Variants in PPARG observed in about 807,000 individuals in gnomAD.
PPARG encodes peroxisome proliferator activated receptor gamma.
PPARG carries 17 observed loss-of-function variants against 39.2 expected under a neutral mutation model. The ratio of observed to expected loss-of-function variants is 0.43; its 90% CI spans 0.30 to 0.65. The LOEUF (loss-of-function observed/expected upper bound fraction) is 0.65. Ranked by LOEUF, PPARG falls within the 30% of genes least tolerant of loss-of-function variation. The pLI is 0.13. For missense variants in PPARG, 406 were observed against 585.9 expected (o/e 0.69, Z 3.17); for synonymous variants, 223 against 215.7 (o/e 1.03, Z -0.30).
At chr3:12,355,783 C>T (rs1454861083) in intron 2 of PPARG, among the ~76,000 whole-genome samples, 2 of 152,210 alleles carry the variant, frequency 1.3e-5, no homozygotes, top group South Asian at 2.1e-4. Flanking sequence ...AGGAATACAA[C>T]TTGTCTTGAA....
intron 2 of PPARG, among the ~76,000 whole-genome samples, chr3:12,364,442 A>T (rs1205539238): frequency 6.6e-6 from 1 of 152,150 alleles, no homozygotes; most frequent in African/African-American, 2.4e-5. Context: ...GCCATAGTTT[A>T]TCCACTCAGC....
intron 1 of PPARG, among the ~76,000 whole-genome samples, chr3:12,302,119 G>T (rs930156112): frequency 6.6e-6 from 1 of 152,228 alleles, no homozygotes; most frequent in Non-Finnish European, 1.5e-5. Context: ...ATTCAGAGAA[G>T]GCTAAGATCA....
intron 6 of PPARG, among the ~76,000 whole-genome samples, chr3:12,416,330 G>A (rs944933344): frequency 5.3e-5 from 8 of 152,194 alleles, no homozygotes; most frequent in Admixed American, 3.3e-4. Flanking sequence ...AGTGAGCCCT[G>A]ATTGTGCCAC....
intron 5 of PPARG, among the ~76,000 whole-genome samples, chr3:12,403,318 T>G (rs965892451): frequency 1.3e-5 from 2 of 151,064 alleles, no homozygotes; most frequent in African/African-American, 2.4e-5. Flanking sequence ...GTTGTTATAC[T>G]GTATTTTTTT....
chr3:12,401,183 C>T (rs995519287), intron 5 of PPARG, among the ~76,000 whole-genome samples: 1 of 152,220 alleles, frequency 6.6e-6, no homozygotes, highest in African/African-American at 2.4e-5. Flanking sequence ...CAACCTCCTT[C>T]GCTTTCCTCC....
chr3:12,426,754 C>T (rs141859838), intron 7 of PPARG, among the ~76,000 whole-genome samples: 33 of 152,268 alleles, frequency 2.2e-4, no homozygotes, highest in Admixed American at 1.4e-3. Context: ...AAGCACTTTC[C>T]GTATGTCCCT....
chr3:12,346,535 A>AGCCT (rs2048331832), intron 2 of PPARG, among the ~76,000 whole-genome samples: 1 of 152,132 alleles, frequency 6.6e-6, no homozygotes, highest in African/African-American at 2.4e-5. Context: ...AAAAACGTAA[A>AGCCT]ACCTAGGCTT....
intron 2 of PPARG, among the ~76,000 whole-genome samples, chr3:12,364,797 A>G (rs930807382): frequency 6.6e-6 from 1 of 152,204 alleles, no homozygotes; most frequent in Admixed American, 6.5e-5. Context: ...ATGATGTTGA[A>G]GATCTTTTCA....
intron 5 of PPARG, among the ~76,000 whole-genome samples, chr3:12,404,693 T>C (rs1235547970): frequency 1.3e-5 from 2 of 152,148 alleles, no homozygotes; most frequent in Non-Finnish European, 2.9e-5. Flanking sequence ...TAATCCCAGC[T>C]ACTCAGAGGC....
chr3:12,351,311 A>G lies in PPARG; in HGVS notation c.-8-28393A>G, dbSNP rs145806574. ...GGGTCACCGGCGAGACAGTGTGGCA[A>G]TATTTTCCCTGTAATGTACCAAGTC... On this transcript the variant is annotated intron_variant, in intron 2 of 7. Transcript: ENST00000651735. Among the ~76,000 whole-genome samples the G allele has an allele frequency of 3.0e-3, 455 of 152,310 alleles. 3 individuals are homozygous for G. Among genetic ancestry groups the G allele is most frequent in the African/African-American group, 0.01 (429 of 41,562 alleles).
At chr3:12,336,361 TCTGAG>T in intron 2 of PPARG, among the ~76,000 whole-genome samples, 1 of 152,254 alleles carries the variant, frequency 6.6e-6, no homozygotes, top group Non-Finnish European at 1.5e-5. Flanking sequence ...AAGCTTCCTG[TCTGAG>T]GTTTTCCATG....
At chr3:12,297,361 G>A (rs1196378473) in intron 1 of PPARG, among the ~76,000 whole-genome samples, 2 of 152,122 alleles carry the variant, frequency 1.3e-5, no homozygotes, top group African/African-American at 4.8e-5. Flanking sequence ...TAATAGTTAT[G>A]TTACAGTAGT....
chr3:12,309,218 A>C (rs1223603695), intron 1 of PPARG, among the ~76,000 whole-genome samples: 2 of 152,228 alleles, frequency 1.3e-5, no homozygotes, highest in Non-Finnish European at 2.9e-5. Context: ...TGAGATTAAT[A>C]TTCTTGTTTT....
At chr3:12,421,738 G>A (rs147301898) in intron 7 of PPARG, among the ~76,000 whole-genome samples, 4 of 152,324 alleles carry the variant, frequency 2.6e-5, no homozygotes, top group Non-Finnish European at 5.9e-5. Context: ...AGAAGCTGCC[G>A]ATATCACTAC....
At chr3:12,407,511 A>T (rs2050714792) in intron 6 of PPARG, among the ~76,000 whole-genome samples, 1 of 152,190 alleles carries the variant, frequency 6.6e-6, no homozygotes. Flanking sequence ...TGATGTCTGC[A>T]CAACGCTCCC....
chr3:12,355,159 G>A (rs575841876), intron 2 of PPARG, among the ~76,000 whole-genome samples: 1 of 151,936 alleles, frequency 6.6e-6, no homozygotes, highest in African/African-American at 2.4e-5. Flanking sequence ...TTGAGACAGA[G>A]CCTCACTCTG....
chr3:12,433,665 A>G (rs902317032), intron 7 of PPARG, among the ~76,000 whole-genome samples: 3 of 152,164 alleles, frequency 2.0e-5, no homozygotes, highest in Admixed American at 6.5e-5. Flanking sequence ...CACAGATTAC[A>G]TCCTGGCCAG....
intron 2 of PPARG, among the ~76,000 whole-genome samples, chr3:12,349,033 A>G (rs1322779780): frequency 6.6e-6 from 1 of 152,230 alleles, no homozygotes; most frequent in Non-Finnish European, 1.5e-5. Flanking sequence ...TAATGACTGT[A>G]CTTAAACAAA....
In PPARG at chr3:12,416,983, G is replaced by A; in HGVS notation, c.1009G>A (p.Val337Ile). The change falls in exon 7 of 8, where the codon GTT (valine) becomes ATT (isoleucine). Residue 337 changes from valine (V) to isoleucine (I), a missense_variant. Physicochemically the swap from Val to Ile is conservative, Grantham distance 29. Transcript: ENST00000651735. ...MLASLMNKDG[V>I]LISEGQGFMT... ...GGCCTCCTTGATGAATAAAGATGGG[G>A]TTCTCATATCCGAGGGCCAAGGCTT... 6.2e-7 allele frequency: 1 copy of A among 1,614,036 alleles called. No individual in the cohort carries two copies. The highest frequency in any genetic ancestry group is 8.5e-7 in the Non-Finnish European group (1 of 1,179,984).
Sources: allele counts gnomAD v4.1 joint callset (sites outside exome capture counted in the v4.1 genomes callset), GRCh38; gene constraint gnomAD v4.1.1; transcripts MANE v1.5; gene names NCBI Gene and HGNC (gene_info 2026-07-23, HGNC 2026-07-21).